Variants in ADCY2 observed in about 807,000 individuals in gnomAD.
The protein encoded by ADCY2 is adenylate cyclase 2, also known as adenylate cyclase type 2.
ADCY2 carries 31 observed loss-of-function variants against 125.2 expected under a neutral mutation model. The ratio of observed to expected loss-of-function variants is 0.25; its 90% confidence interval spans 0.19 to 0.33. ADCY2 has a LOEUF of 0.33. Among genes scored for constraint, ADCY2 ranks in the 10% least tolerant of loss-of-function variants. The pLI is 1.00. For synonymous variants in ADCY2, 512 were observed against 548.4 expected, an observed-to-expected ratio of 0.93 and a Z score of 0.93; for missense variants, 904 against 1,418.2, an observed-to-expected ratio of 0.64 and a Z score of 5.82.
intron 4 of ADCY2, among the ~76,000 whole-genome samples, chr5:7,627,407 T>C (rs1738170936): frequency 6.6e-6 from 1 of 152,186 alleles, no homozygotes. Context: ...AGAGGGGCCC[T>C]GGATTTGCTG....
intron 1 of ADCY2, among the ~76,000 whole-genome samples, chr5:7,405,486 C>CATGG (rs1474863883): frequency 6.6e-6 from 1 of 152,122 alleles, no homozygotes; most frequent in Non-Finnish European, 1.5e-5. Flanking sequence ...GGCTATCCAC[C>CATGG]ATGGCTGTTG....
At chr5:7,399,740 T>G (rs1379683362) in intron 1 of ADCY2, among the ~76,000 whole-genome samples, 1 of 152,236 alleles carries the variant, frequency 6.6e-6, no homozygotes, top group Non-Finnish European at 1.5e-5. Context: ...ATGGAGAGTA[T>G]TCATGAAAAA....
At chr5:7,696,329 C>T (rs1342538801) in intron 6 of ADCY2, among the ~76,000 whole-genome samples, 4 of 152,210 alleles carry the variant, frequency 2.6e-5, no homozygotes, top group African/African-American at 9.6e-5. Context: ...AAAGCCTTCA[C>T]TTACTCTTGT....
chr5:7,673,287 A>ATATATATATATATATAT lies in ADCY2; in HGVS notation c.721-17404_721-17403insTATATATATATATATAT, dbSNP rs58507866. On this transcript the variant is annotated intron_variant, in intron 4 of 24. Transcript: ENST00000338316. ...AAAAAAAAATATATATATATATATA[A>ATATATATATATATATAT]AATTAGCCAGGTGTTGTGGAACATG... 8.6e-3 allele frequency among the ~76,000 whole-genome samples: 268 copies of ATATATATATATATATAT among 31,218 alleles called. 17 individuals carry two copies. The highest frequency in any genetic ancestry group is 0.081 in the East Asian group (44 of 542). The allele number at this position is 31,218 out of a possible 152,430, so 20.5% of individuals were successfully genotyped here.
At chr5:7,642,991 C>T (rs1738762270) in intron 4 of ADCY2, among the ~76,000 whole-genome samples, 2 of 151,744 alleles carry the variant, frequency 1.3e-5, no homozygotes, top group South Asian at 4.2e-4. Flanking sequence ...TACCTACTAA[C>T]AAAAAACACT....
chr5:7,664,141 T>G (rs1249363034), intron 4 of ADCY2, among the ~76,000 whole-genome samples: 3 of 152,320 alleles, frequency 2.0e-5, no homozygotes, highest in South Asian at 2.1e-4. Flanking sequence ...AAATGGAGGT[T>G]AAATGAACAT....
chr5:7,421,796 G>T (rs540929938), intron 2 of ADCY2, among the ~76,000 whole-genome samples: 1 of 152,292 alleles, frequency 6.6e-6, no homozygotes, highest in South Asian at 2.1e-4. Context: ...TTAAATGTGG[G>T]CTATGAAAGT....
rs1739025316 is a variant in ADCY2, at chr5:7,396,285, T to G, written c.-12T>G. 1 of 1,206,098 alleles carries G rather than the reference T, an allele frequency of 8.3e-7. No homozygotes were observed. The highest frequency in any genetic ancestry group is 1.0e-6 in the Non-Finnish European group (1 of 968,040). The allele number at this position is 1,206,098 out of a possible 1,614,324, so 74.7% of individuals were successfully genotyped here. A position where few individuals can be genotyped will look rare whatever the true frequency, so the allele number is the denominator to read the frequency against. On this transcript the variant is annotated 5_prime_UTR_variant, in exon 1 of 25. Transcript: ENST00000338316. This position sits in a 1 kb window ranked among gnomAD's most constrained non-coding sequence, Gnocchi z 5.7. Reference sequence around the variant, plus strand: ...CCGGGCGCGCACGGCGGGCGCCCTGTGAGCGGCCCCGATGTGGCAGGAGGC... The same window carrying G: ...CCGGGCGCGCACGGCGGGCGCCCTGGGAGCGGCCCCGATGTGGCAGGAGGC...
chr5:7,407,867 C>CTTTT (rs963332049), intron 1 of ADCY2, among the ~76,000 whole-genome samples: 2 of 127,914 alleles, frequency 1.6e-5, no homozygotes, highest in Non-Finnish European at 3.4e-5. Context: ...CTCTTCAGTT[C>CTTTT]TTTTTTTTTT....
chr5:7,778,776 T>C (rs187762789), intron 18 of ADCY2, among the ~76,000 whole-genome samples: 1 of 152,170 alleles, frequency 6.6e-6, no homozygotes, highest in Non-Finnish European at 1.5e-5. Context: ...AACGAGGGAT[T>C]GATTGATGAT....
rs1489917689 is a variant in ADCY2, at chr5:7,458,768, C to T, written c.408+43998C>T. Among the ~76,000 whole-genome samples the T allele has an allele frequency of 3.3e-5, 5 of 152,156 alleles. No homozygotes were observed. The East Asian group carries it at 5.8e-4, about 18-fold the overall frequency. ...TGGCAAAGACTGTTTACCTAAGACT[C>T]GATAGTACACAAAACAAAGAACACA... On this transcript the variant is annotated intron_variant, in intron 2 of 24. Coordinates refer to ENST00000338316, the MANE Select transcript of ADCY2 (RefSeq NM_020546.3).
At chr5:7,679,710 C>T (rs369789279) in intron 4 of ADCY2, among the ~76,000 whole-genome samples, 75 of 152,270 alleles carry the variant, frequency 4.9e-4, no homozygotes, top group African/African-American at 1.5e-3. Flanking sequence ...ATATTGACTA[C>T]GCTAAGATTA....
intron 7 of ADCY2, among the ~76,000 whole-genome samples, chr5:7,702,046 C>A (rs1190572535): frequency 2.6e-5 from 4 of 151,988 alleles, no homozygotes; most frequent in African/African-American, 7.3e-5. Context: ...ACAAGGGATT[C>A]CACATTCCTC....
chr5:7,648,211 A>G (rs1453505752), intron 4 of ADCY2, among the ~76,000 whole-genome samples: 1 of 152,172 alleles, frequency 6.6e-6, no homozygotes, highest in African/African-American at 2.4e-5. Flanking sequence ...GGTATTTTCT[A>G]TGAATCCTTT....
intron 4 of ADCY2, among the ~76,000 whole-genome samples, chr5:7,641,762 G>A (rs1174186325): frequency 2.6e-5 from 4 of 152,094 alleles, no homozygotes; most frequent in Non-Finnish European, 5.9e-5. Context: ...ACTTATAAGT[G>A]AGAACATGCA....
intron 4 of ADCY2, among the ~76,000 whole-genome samples, chr5:7,663,740 C>G (rs767946399): frequency 6.6e-6 from 1 of 152,070 alleles, no homozygotes; most frequent in African/African-American, 2.4e-5. Flanking sequence ...TTGGTCAGGC[C>G]GATAGGCTTG....
At chr5:7,618,409 C>T (rs1432693457) in intron 3 of ADCY2, among the ~76,000 whole-genome samples, 1 of 152,118 alleles carries the variant, frequency 6.6e-6, no homozygotes, top group East Asian at 1.9e-4. Context: ...GCAATGCAAC[C>T]TTCTCCTTGT....
At chr5:7,574,133 G>T (rs1736166108) in intron 3 of ADCY2, among the ~76,000 whole-genome samples, 1 of 111,486 alleles carries the variant, frequency 9.0e-6, no homozygotes, top group South Asian at 2.9e-4. Flanking sequence ...GTGTATATGT[G>T]CCACATTTTC....
At chr5:7,530,169 A>G (rs1250512484) in intron 3 of ADCY2, among the ~76,000 whole-genome samples, 2 of 152,232 alleles carry the variant, frequency 1.3e-5, no homozygotes, top group South Asian at 2.1e-4. Context: ...GATGACCTCT[A>G]AAAAGAACCT....
Sources: gnomAD v4.1 joint callset for allele counts (sites outside exome capture counted in the v4.1 genomes callset) on GRCh38, gnomAD v4.1.1 for gene constraint, Gnocchi (gnomAD v3.1) non-coding constraint, MANE v1.5 for transcripts, NCBI Gene and HGNC (gene_info 2026-07-23, HGNC 2026-07-21) for gene names.